Variants in CCDC102B observed in about 807,000 individuals in gnomAD.
CCDC102B encodes the protein coiled-coil domain-containing protein 102B.
CCDC102B carries 75 observed loss-of-function variants against 57.4 expected under a neutral mutation model. The ratio of observed to expected loss-of-function variants is 1.31; its 90% CI spans 1.08 to 1.58. CCDC102B has a LOEUF of 1.58. Ranked by LOEUF, CCDC102B falls within the 40% of genes most tolerant of loss-of-function variation. CCDC102B has a pLI of 0.00. For synonymous variants in CCDC102B, 206 were observed against 201.9 expected (o/e 1.02, Z -0.17); for missense variants, 636 against 582.6 (o/e 1.09, Z -0.94).
intron 1 of CCDC102B, among the ~76,000 whole-genome samples, chr18:68,833,079 T>C (rs946634466): frequency 5.3e-5 from 8 of 152,302 alleles, no homozygotes; most frequent in Middle Eastern, 3.4e-3. Context: ...AATGTATTCC[T>C]GAAATACTCT....
chr18:68,797,332 C>T (rs1330699626), upstream of CCDC102B, among the ~76,000 whole-genome samples: 1 of 152,110 alleles, frequency 6.6e-6, no homozygotes, highest in Non-Finnish European at 1.5e-5. Context: ...CAAGGCTATC[C>T]TGTTACCTTT....
chr18:68,835,699 C>T (rs2037337071), intron 1 of CCDC102B, among the ~76,000 whole-genome samples: 1 of 152,140 alleles, frequency 6.6e-6, no homozygotes, highest in African/African-American at 2.4e-5. Context: ...CGTGTCATGC[C>T]ATAATTCGCA....
At chr18:68,795,025 T>TAA (rs5825874), upstream of CCDC102B, among the ~76,000 whole-genome samples, 10,591 of 134,436 alleles carry the variant, frequency 0.079, 718 homozygotes, top group African/African-American at 0.18. Flanking sequence ...AACTCGCCAG[T>TAA]AAAAAAAAAA....
chr18:68,778,195 T>G (rs1205950192), intron 2 of CCDC102B, among the ~76,000 whole-genome samples: 9 of 152,130 alleles, frequency 5.9e-5, no homozygotes, highest in Admixed American at 2.0e-4. Context: ...TTCTTTTAAT[T>G]AATGGCTAAA....
intron 2 of CCDC102B, among the ~76,000 whole-genome samples, chr18:68,722,934 A>G (rs2032419345): frequency 6.8e-6 from 1 of 147,210 alleles, no homozygotes; most frequent in Non-Finnish European, 1.5e-5. Flanking sequence ...CAGGGAGTAC[A>G]AGTGCAGGTT....
intron 1 of CCDC102B, among the ~76,000 whole-genome samples, chr18:68,831,470 G>A (rs990202928): frequency 2.6e-5 from 4 of 152,044 alleles, no homozygotes; most frequent in African/African-American, 9.7e-5. Flanking sequence ...ACATGACATT[G>A]TTTTAAACTT....
chr18:68,857,764 A>G (rs1369789938), intron 4 of CCDC102B, among the ~76,000 whole-genome samples: 1 of 152,074 alleles, frequency 6.6e-6, no homozygotes, highest in Non-Finnish European at 1.5e-5. Flanking sequence ...GTGACGTTGA[A>G]TGGCTTCAGA....
chr18:68,752,648 T>C (rs1393038089), intron 2 of CCDC102B, among the ~76,000 whole-genome samples: 1 of 152,162 alleles, frequency 6.6e-6, no homozygotes, highest in Non-Finnish European at 1.5e-5. Context: ...TCATACTAAT[T>C]TTCACTTAAT....
intron 3 of CCDC102B, among the ~76,000 whole-genome samples, chr18:68,840,525 A>G (rs1359316080): frequency 6.6e-6 from 1 of 152,188 alleles, no homozygotes; most frequent in African/African-American, 2.4e-5. Context: ...ACCAAGTGTA[A>G]ATTCCTAATA....
At chr18:68,935,160 A>G (rs886373681) in intron 6 of CCDC102B, among the ~76,000 whole-genome samples, 2 of 151,966 alleles carry the variant, frequency 1.3e-5, no homozygotes, top group African/African-American at 4.8e-5. Flanking sequence ...TGACTTGGGG[A>G]ACATTTTGCC....
At chr18:68,794,346 A>G (rs1445588756), upstream of CCDC102B, among the ~76,000 whole-genome samples, 1 of 152,172 alleles carries the variant, frequency 6.6e-6, no homozygotes, top group African/African-American at 2.4e-5. Flanking sequence ...AAGTTTTCTA[A>G]ACCCATTAGA....
chr18:68,766,244 C>T (rs528143904), intron 2 of CCDC102B, among the ~76,000 whole-genome samples: 2 of 152,276 alleles, frequency 1.3e-5, no homozygotes, highest in South Asian at 2.1e-4. Flanking sequence ...AATAGGGCTA[C>T]TTCTGCTTCT....
chr18:68,792,844 G>A (rs2035506693), intron 2 of CCDC102B, among the ~76,000 whole-genome samples: 1 of 152,096 alleles, frequency 6.6e-6, no homozygotes, highest in Admixed American at 6.5e-5. Context: ...TATAAATATA[G>A]TTAGTTTTGT....
intron 2 of CCDC102B, among the ~76,000 whole-genome samples, chr18:68,740,299 G>A (rs111842155): frequency 6.6e-6 from 1 of 152,156 alleles, no homozygotes; most frequent in African/African-American, 2.4e-5. Flanking sequence ...ATGAATGTTT[G>A]CTGTCATTTT....
At chr18:68,843,991 C>T (rs1020108215) in intron 3 of CCDC102B, among the ~76,000 whole-genome samples, 3 of 151,822 alleles carry the variant, frequency 2.0e-5, no homozygotes, top group African/African-American at 7.3e-5. Flanking sequence ...TTAAGTATCC[C>T]ATTGTCATTA....
At chr18:68,879,778 G>A (rs1327086459) in intron 5 of CCDC102B, among the ~76,000 whole-genome samples, 2 of 152,022 alleles carry the variant, frequency 1.3e-5, no homozygotes, top group Admixed American at 6.5e-5. Flanking sequence ...GTCGATTGGT[G>A]CATTCACAAA....
chr18:68,957,050 A>G (rs1248410361), intron 6 of CCDC102B, among the ~76,000 whole-genome samples: 2 of 152,130 alleles, frequency 1.3e-5, no homozygotes, highest in East Asian at 3.9e-4. Flanking sequence ...GATGGATAGT[A>G]TGCAAATATT....
intron 2 of CCDC102B, among the ~76,000 whole-genome samples, chr18:68,727,476 T>C (rs1285671434): frequency 1.3e-5 from 2 of 152,144 alleles, no homozygotes; most frequent in Non-Finnish European, 2.9e-5. Context: ...TGCAGGCAAA[T>C]GTTCATAGAA....
chr18:68,907,476 G>A (rs548332045), intron 6 of CCDC102B, among the ~76,000 whole-genome samples: 47 of 152,252 alleles, frequency 3.1e-4, no homozygotes, highest in Middle Eastern at 3.4e-3. Flanking sequence ...TTTCAGCAAT[G>A]TATTGTAGTT....
Sources: allele counts gnomAD v4.1 joint callset (sites outside exome capture counted in the v4.1 genomes callset), GRCh38; gene constraint gnomAD v4.1.1; transcripts MANE v1.5; gene names NCBI Gene and HGNC (gene_info 2026-07-23, HGNC 2026-07-21).